The following NAV2 variants were observed in gnomAD, a reference collection of about 807,000 sequenced individuals.
The protein encoded by NAV2 is neuron navigator 2, also known as helicase, APC down-regulated 1.
A neutral mutation model predicts 223.2 loss-of-function variants in NAV2; 54 were observed. The observed-to-expected ratio is 0.24, with a 90% CI of 0.19 to 0.30. The LOEUF is 0.30. Among genes scored for constraint, NAV2 ranks in the 10% least tolerant of loss-of-function variants. The pLI is 1.00. For synonymous variants in NAV2, 1,279 were observed against 1,239.3 expected (o/e 1.03, Z -0.67); for missense variants, 2,806 against 3,147.5 (o/e 0.89, Z 2.60).
At chr11:19,506,312 T>C (rs922320142) in intron 1 of NAV2, 1 of 152,216 alleles carries the variant, frequency 6.6e-6, no homozygotes, top group African/African-American at 2.4e-5. Flanking sequence ...TTGTAGCCGA[T>C]CTGACCCAAG....
At chr11:19,516,418 G>C (rs1339553918) in intron 1 of NAV2, among the ~76,000 whole-genome samples, 1 of 152,196 alleles carries the variant, frequency 6.6e-6, no homozygotes, top group Non-Finnish European at 1.5e-5. Flanking sequence ...GGCTTTCTCA[G>C]CTGAGGATAA....
intron 3 of NAV2, among the ~76,000 whole-genome samples, chr11:19,849,807 G>T (rs2061014726): frequency 1.3e-5 from 2 of 152,358 alleles, no homozygotes. Flanking sequence ...AGATCAGCAG[G>T]AAGCATCCAC....
At chr11:19,416,850 A>T (rs1003052478) in intron 1 of NAV2, among the ~76,000 whole-genome samples, 1 of 152,242 alleles carries the variant, frequency 6.6e-6, no homozygotes, top group African/African-American at 2.4e-5. Flanking sequence ...TGGGGAAAGG[A>T]TTCCCTATTT....
chr11:19,577,169 A>G (rs140775669), intron 1 of NAV2, among the ~76,000 whole-genome samples: 1 of 152,360 alleles, frequency 6.6e-6, no homozygotes, highest in East Asian at 1.9e-4. Context: ...GTCTAAGCAT[A>G]TCTTTATTTA....
rs1369926011 is a variant in NAV2 at position 19,933,249 on chromosome 11, C to G, written c.1005C>G (p.Ser335Arg). 4.4e-6 allele frequency: 7 copies of G among 1,601,734 alleles called. No homozygotes were observed. Among genetic ancestry groups the G allele is most frequent in the Non-Finnish European group, 6.0e-6 (7 of 1,174,068 alleles). The stretch of plus-strand genomic sequence containing the variant: ...CACCTGCTTCCTTGGAGAGCGGCAG[C>G]AGCTCCACCCCTACTAATTGCAGTA... ...DNAPASLESGSSSTPTNCSTS... is the reference protein window; with the variant it reads ...DNAPASLESGRSSTPTNCSTS... Residue 335 changes from serine to arginine, a missense_variant, in exon 7 of 38, where the codon AGC (serine) becomes AGG (arginine). Physicochemically the swap from Ser to Arg is moderately radical, Grantham distance 110. Around this residue, in one of 4 missense-constraint regions of NAV2, gnomAD observed 1,167 missense variants for 1,180.5 expected, o/e 0.99. Transcript: ENST00000349880. The surrounding 1 kb of genome is among the most constrained non-coding windows in gnomAD (Gnocchi z 4.3).
intron 6 of NAV2, among the ~76,000 whole-genome samples, chr11:19,926,505 T>C (rs1308770172): frequency 1.3e-5 from 2 of 152,124 alleles, no homozygotes; most frequent in African/African-American, 4.8e-5. Context: ...TCCAAGAACC[T>C]TGCAGAACCT....
intron 1 of NAV2, among the ~76,000 whole-genome samples, chr11:19,563,586 A>G (rs1278601618): frequency 6.6e-6 from 1 of 152,216 alleles, no homozygotes; most frequent in Non-Finnish European, 1.5e-5. Flanking sequence ...AGAATTCACC[A>G]ATGTGCTTGT....
intron 11 of NAV2, among the ~76,000 whole-genome samples, chr11:19,989,302 TAAG>T (rs922428654): frequency 5.3e-5 from 8 of 152,170 alleles, no homozygotes; most frequent in African/African-American, 1.7e-4. Context: ...TGATGTCATG[TAAG>T]AAGGACTCGT....
At chr11:19,479,977 T>G (rs2042230786) in intron 1 of NAV2, among the ~76,000 whole-genome samples, 1 of 152,138 alleles carries the variant, frequency 6.6e-6, no homozygotes, top group Admixed American at 6.5e-5. Context: ...TAAAAATAAT[T>G]GGGGGGAAAA....
At chr11:19,801,265 G>T (rs527920195) in intron 1 of NAV2, among the ~76,000 whole-genome samples, 3 of 152,352 alleles carry the variant, frequency 2.0e-5, no homozygotes. Context: ...TAGTCAGTCT[G>T]TGGTGGTGCG....
chr11:19,381,078 C>T (rs1848822739), intron 1 of NAV2, among the ~76,000 whole-genome samples: 1 of 152,198 alleles, frequency 6.6e-6, no homozygotes, highest in African/African-American at 2.4e-5. Flanking sequence ...TAGAAGCCTT[C>T]CCTGGCTTCC....
intron 22 of NAV2, 147 bp from the exon 23 acceptor site, chr11:20,077,405 G>C (rs2059829401): frequency 1.7e-6 from 1 of 592,224 alleles, no homozygotes; most frequent in African/African-American, 1.8e-5. Flanking sequence ...GGATCCCAAA[G>C]AGTGGTGGGG....
chr11:19,898,328 A>G lies in NAV2; in HGVS notation c.931+5734A>G, dbSNP rs539655404. 2.5e-3 allele frequency among the ~76,000 whole-genome samples: 375 copies of G among 152,310 alleles called. 1 individual carries two copies. Among genetic ancestry groups the G allele is most frequent in the South Asian group, 0.023 (112 of 4,822 alleles). On this transcript the variant is annotated intron_variant, in intron 6 of 37. Coordinates refer to ENST00000349880, the MANE Select transcript of NAV2 (RefSeq NM_145117.5). ...CCACCTCCTAGATTAGCCACTGTTT[A>G]TCACTTTGTTTATATTATTCCATAT...
chr11:19,389,571 T>C (rs965662543), intron 1 of NAV2, among the ~76,000 whole-genome samples: 9 of 152,332 alleles, frequency 5.9e-5, no homozygotes, highest in African/African-American at 2.2e-4. Context: ...ACCATGAAGA[T>C]CAAGGACAGT....
chr11:20,097,251 G>A (rs1015340308), intron 30 of NAV2, among the ~76,000 whole-genome samples: 39 of 152,286 alleles, frequency 2.6e-4, no homozygotes, highest in African/African-American at 8.4e-4. Context: ...AGGCCCTGAT[G>A]TCTTCAAGAC....
intron 34 of NAV2, chr11:20,105,050 C>T (rs116158139): frequency 6.5e-6 from 1 of 153,932 alleles, no homozygotes; most frequent in African/African-American, 2.4e-5. Context: ...TAGGCTTCAT[C>T]ATATTTCATT....
chr11:19,498,413 A>G (rs2042865432), intron 1 of NAV2, among the ~76,000 whole-genome samples: 1 of 152,370 alleles, frequency 6.6e-6, no homozygotes, highest in East Asian at 1.9e-4. Context: ...TCTGAGCCTC[A>G]GTATGCTTTT....
At chr11:20,061,798 A>G (rs1015251625) in intron 19 of NAV2, among the ~76,000 whole-genome samples, 1 of 152,244 alleles carries the variant, frequency 6.6e-6, no homozygotes, top group Non-Finnish European at 1.5e-5. Context: ...ACTGTGGCCA[A>G]CAGCCTCTTA....
At chr11:19,985,739 G>A (rs1356895197) in intron 11 of NAV2, among the ~76,000 whole-genome samples, 2 of 152,034 alleles carry the variant, frequency 1.3e-5, no homozygotes. Flanking sequence ...AGCATGCCCA[G>A]CTAATTTTGA....
Sources: allele counts gnomAD v4.1 joint callset (sites outside exome capture counted in the v4.1 genomes callset), GRCh38; gene constraint gnomAD v4.1.1; regional missense constraint gnomAD v4.1.1; non-coding constraint Gnocchi (gnomAD v3.1); transcripts MANE v1.5; gene names NCBI Gene and HGNC (gene_info 2026-07-23, HGNC 2026-07-21).